Variants in OR14I1 observed in about 807,000 individuals in gnomAD.
OR14I1 encodes the protein olfactory receptor family 14 subfamily I member 1, also known as olfactory receptor 14I1.
For missense variants in OR14I1, 279 were observed against 181.8 expected (o/e 1.53, Z -3.07); for synonymous variants, 118 against 71.1 (o/e 1.66, Z -3.32).
upstream of OR14I1, among the ~76,000 whole-genome samples, chr1:248,684,366 G>T (rs1158636664): frequency 6.6e-6 from 1 of 152,226 alleles, no homozygotes; most frequent in Admixed American, 6.5e-5. Context: ...GCTCTTTGCT[G>T]CTGCTTAGTT....
the OR14I1 span, among the ~76,000 whole-genome samples, chr1:248,690,554 C>T: frequency 2.8e-5 from 3 of 107,750 alleles, no homozygotes; most frequent in East Asian, 9.5e-4. Context: ...CTCAATAGAC[C>T]AGTAACAAGT....
the OR14I1 span, among the ~76,000 whole-genome samples, chr1:248,694,365 A>G: frequency 6.6e-6 from 1 of 152,202 alleles, no homozygotes; most frequent in Non-Finnish European, 1.5e-5. Flanking sequence ...AATAAATAAT[A>G]TATGCCTATG....
At chr1:248,690,600 C>CAAAAAAAAAAAAAAAAAAAAAAAAAACAA in the OR14I1 span, among the ~76,000 whole-genome samples, 1 of 51,524 alleles carries the variant, frequency 1.9e-5, no homozygotes, top group African/African-American at 7.8e-5. Flanking sequence ...GTCTACCAAC[C>CAAAAAAAAAAAAAAAAAAAAAAAAAACAA]AAAAAAAAAA....
At chr1:248,684,883 A>C (rs4472781), upstream of OR14I1, among the ~76,000 whole-genome samples, 129,751 of 151,664 alleles carry the variant, frequency 0.86, 57,852 homozygotes, top group East Asian at 1. Context: ...ATTGAACAGT[A>C]ATTATATCTG....
chr1:248,694,428 C>T, the OR14I1 span, among the ~76,000 whole-genome samples: 1 of 152,120 alleles, frequency 6.6e-6, no homozygotes, highest in African/African-American at 2.4e-5. Context: ...GTTTAGCAAC[C>T]ATAGTTATTC....
At chr1:248,692,607 A>AT in the OR14I1 span, 4 of 152,528 alleles carry the variant, frequency 2.6e-5, no homozygotes, top group South Asian at 6.2e-4. Flanking sequence ...TGGGCAGTGT[A>AT]CTCATCAGCA....
the OR14I1 span, among the ~76,000 whole-genome samples, chr1:248,689,410 A>T: frequency 2.6e-5 from 4 of 152,222 alleles, no homozygotes; most frequent in Non-Finnish European, 5.9e-5. Context: ...TACTGGACCC[A>T]GTCTGGTTTC....
chr1:248,695,741 G>A, the OR14I1 span, among the ~76,000 whole-genome samples: 13 of 152,174 alleles, frequency 8.5e-5, no homozygotes, highest in Admixed American at 4.6e-4. Flanking sequence ...CTCCTACCCC[G>A]GGTGGAGGGC....
At chr1:248,695,402 T>A in the OR14I1 span, among the ~76,000 whole-genome samples, 81 of 151,922 alleles carry the variant, frequency 5.3e-4, no homozygotes, top group African/African-American at 1.9e-3. Context: ...CCCAGCTAAT[T>A]TTTTGTGTTT....
upstream of OR14I1, among the ~76,000 whole-genome samples, chr1:248,687,108 A>T (rs1207597119): frequency 1.3e-5 from 2 of 152,198 alleles, no homozygotes; most frequent in African/African-American, 2.4e-5. Flanking sequence ...AACTGAACTC[A>T]GAGTCCGTGA....
upstream of OR14I1, among the ~76,000 whole-genome samples, chr1:248,685,216 A>G (rs1415841168): frequency 3.9e-5 from 6 of 152,194 alleles, no homozygotes; most frequent in South Asian, 1.0e-3. Context: ...ATGATTAAAC[A>G]TTAATAAAAA....
At chr1:248,680,967 C>CGTGTGTGCGTGTGTGTGT (rs1661547954), downstream of OR14I1, among the ~76,000 whole-genome samples, 1 of 147,108 alleles carries the variant, frequency 6.8e-6, no homozygotes, top group East Asian at 2.0e-4. Flanking sequence ...AAACTGTGTG[C>CGTGTGTGCGTGTGTGTGT]GTGTGTGTGT....
chr1:248,694,437 T>C, the OR14I1 span, among the ~76,000 whole-genome samples: 44 of 152,224 alleles, frequency 2.9e-4, no homozygotes, highest in Admixed American at 3.9e-4. Context: ...CCATAGTTAT[T>C]CCTTTCTTGT....
downstream of OR14I1, among the ~76,000 whole-genome samples, chr1:248,679,670 T>C (rs1217083937): frequency 2.6e-5 from 4 of 152,076 alleles, no homozygotes; most frequent in African/African-American, 9.7e-5. Context: ...ACAGGTGTCA[T>C]TTGAGCCTTA....
chr1:248,690,213 G>C, the OR14I1 span, among the ~76,000 whole-genome samples: 1 of 152,058 alleles, frequency 6.6e-6, no homozygotes, highest in African/African-American at 2.4e-5. Flanking sequence ...CAGAAGACAA[G>C]AAATAACTAA....
At chr1:248,696,493 G>C in the OR14I1 span, among the ~76,000 whole-genome samples, 1 of 152,170 alleles carries the variant, frequency 6.6e-6, no homozygotes, top group Non-Finnish European at 1.5e-5. Context: ...CTGTTCACTA[G>C]GACATTATTA....
chr1:248,686,742 T>G (rs575418529), upstream of OR14I1, among the ~76,000 whole-genome samples: 3 of 125,944 alleles, frequency 2.4e-5, no homozygotes, highest in African/African-American at 8.4e-5. Flanking sequence ...GGTAAATATC[T>G]GAGAAATACA....
upstream of OR14I1, among the ~76,000 whole-genome samples, chr1:248,686,662 T>A (rs2103135947): frequency 7.8e-6 from 1 of 127,742 alleles, no homozygotes; most frequent in African/African-American, 2.8e-5. Flanking sequence ...TGTCTTGATT[T>A]TTTTCTCATA....
At chr1:248,690,186 A>G in the OR14I1 span, among the ~76,000 whole-genome samples, 1 of 152,198 alleles carries the variant, frequency 6.6e-6, no homozygotes, top group Admixed American at 6.5e-5. Context: ...GCAAGAGCAA[A>G]TAAATTCGAA....
Sources: gnomAD v4.1 joint callset for allele counts (sites outside exome capture counted in the v4.1 genomes callset) on GRCh38, gnomAD v4.1.1 for gene constraint, MANE v1.5 for transcripts, NCBI Gene and HGNC (gene_info 2026-07-23, HGNC 2026-07-21) for gene names.